Variants in CPS1 observed in about 807,000 individuals in gnomAD.
The protein encoded by CPS1 is carbamoyl-phosphate synthase 1.
In CPS1, 109 loss-of-function variants were observed where a neutral mutation model predicts 174.6. That is an observed-to-expected ratio of 0.62 (90% CI 0.53 to 0.73). The LOEUF (loss-of-function observed/expected upper bound fraction) is 0.73, where lower values mean the gene tolerates loss of function less well. Among genes scored for constraint, CPS1 ranks in the 30% least tolerant of loss-of-function variants. The pLI is 0.00. For synonymous variants in CPS1, 637 were observed against 632.0 expected, an observed-to-expected ratio of 1.01 and a Z score of -0.12; for missense variants, 1,689 against 1,821.9, an observed-to-expected ratio of 0.93 and a Z score of 1.33.
chr2:210,482,478 A>G (rs778566261), intron 1 of CPS1, among the ~76,000 whole-genome samples: 2 of 151,482 alleles, frequency 1.3e-5, no homozygotes, highest in African/African-American at 4.9e-5. Context: ...AATTTTTTGT[A>G]TTTTTAGTAG....
intron 33 of CPS1, among the ~76,000 whole-genome samples, chr2:210,666,917 C>G (rs1296498433): frequency 6.6e-6 from 1 of 152,136 alleles, no homozygotes; most frequent in Admixed American, 6.6e-5. Context: ...TTACCTTGGG[C>G]AGTATGGCCA....
At chr2:210,545,867 G>A (rs562909809) in intron 1 of CPS1, among the ~76,000 whole-genome samples, 21 of 152,088 alleles carry the variant, frequency 1.4e-4, no homozygotes, top group African/African-American at 3.6e-4. Context: ...TAGGGTGTGG[G>A]TCAACTTCTA....
intron 29 of CPS1, among the ~76,000 whole-genome samples, chr2:210,655,611 C>T (rs1700679115): frequency 6.6e-6 from 1 of 152,106 alleles, no homozygotes; most frequent in Non-Finnish European, 1.5e-5. Flanking sequence ...AAAATGAGCT[C>T]TTACTTATAT....
intron 13 of CPS1, among the ~76,000 whole-genome samples, chr2:210,598,612 A>C (rs541220989): frequency 6.8e-4 from 104 of 152,068 alleles, no homozygotes; most frequent in African/African-American, 2.5e-3. Flanking sequence ...AAAAACAGAC[A>C]AAGAAGGGCA....
At chr2:210,662,487 G>C (rs367759292) in intron 32 of CPS1, among the ~76,000 whole-genome samples, 1 of 152,170 alleles carries the variant, frequency 6.6e-6, no homozygotes, top group African/African-American at 2.4e-5. Context: ...TACCAGATAA[G>C]TGGACACATA....
At chr2:210,617,844 G>A (rs955761631) in intron 21 of CPS1, 2 of 151,954 alleles carry the variant, frequency 1.3e-5, no homozygotes, top group African/African-American at 4.8e-5. Flanking sequence ...GAACTTCTGT[G>A]TAAAATTATA....
chr2:210,577,764 A>G (rs948584992), intron 4 of CPS1, among the ~76,000 whole-genome samples: 2 of 152,098 alleles, frequency 1.3e-5, no homozygotes, highest in African/African-American at 4.8e-5. Context: ...TTGGGAAGGG[A>G]GGGGTAAGAT....
At chr2:210,552,027 T>C (rs1696745742), upstream of CPS1, among the ~76,000 whole-genome samples, 1 of 151,972 alleles carries the variant, frequency 6.6e-6, no homozygotes, top group Non-Finnish European at 1.5e-5. Context: ...AGAGATGCCT[T>C]CTTCATCCAT....
upstream of CPS1, among the ~76,000 whole-genome samples, chr2:210,554,012 T>G (rs1696797225): frequency 6.6e-6 from 1 of 150,726 alleles, no homozygotes. Context: ...TTTCCAAAAT[T>G]TCTGCCTTCT....
At chr2:210,543,501 T>A (rs1003989932) in intron 1 of CPS1, among the ~76,000 whole-genome samples, 1 of 152,072 alleles carries the variant, frequency 6.6e-6, no homozygotes, top group African/African-American at 2.4e-5. Flanking sequence ...CATGACCCAT[T>A]TAATTAATAT....
At position 210,582,723 on chromosome 2, in the gene CPS1, C is replaced by A. The variant is rs751983541; in HGVS notation, c.621+14C>A. ...GTTTCAACCAAGGTGAGGGGTTTTC[C>A]TTTATATTTTGTAGTTTTATTTGAT... On this transcript the variant is annotated intron_variant, in intron 6 of 37. Coordinates refer to ENST00000233072, the MANE Select transcript of CPS1 (RefSeq NM_001875.5). The A allele has an allele frequency of 6.3e-7, 1 of 1,590,022 alleles. No homozygotes were observed. Among genetic ancestry groups the A allele is most frequent in the Non-Finnish European group, 8.6e-7 (1 of 1,158,432 alleles).
chr2:210,516,382 A>G (rs1366477407), intron 1 of CPS1, among the ~76,000 whole-genome samples: 1 of 151,436 alleles, frequency 6.6e-6, no homozygotes, highest in Non-Finnish European at 1.5e-5. Flanking sequence ...CAATGCCTAC[A>G]CCTTCTATTT....
chr2:210,518,506 A>G (rs1057479738), intron 1 of CPS1, among the ~76,000 whole-genome samples: 19 of 152,004 alleles, frequency 1.2e-4, no homozygotes, highest in Non-Finnish European at 2.5e-4. Flanking sequence ...CTCCAAAGGG[A>G]ATGGCTTGCT....
At chr2:210,618,104 C>G (rs1362441216) in intron 21 of CPS1, 2 of 151,816 alleles carry the variant, frequency 1.3e-5, no homozygotes, top group Admixed American at 1.3e-4. Flanking sequence ...GAGATTCTAA[C>G]TAAGCATAAA....
chr2:210,521,254 AG>A (rs905782642), intron 1 of CPS1, among the ~76,000 whole-genome samples: 39 of 152,094 alleles, frequency 2.6e-4, no homozygotes, highest in Non-Finnish European at 5.6e-4. Flanking sequence ...TTTTTCTAGT[AG>A]TTTAAATATG....
At chr2:210,559,596 T>G (rs1559076319) in intron 1 of CPS1, among the ~76,000 whole-genome samples, 1 of 152,110 alleles carries the variant, frequency 6.6e-6, no homozygotes, top group Non-Finnish European at 1.5e-5. Context: ...TACTAAAAAG[T>G]TTTAGATACC....
At chr2:210,601,654 T>C (rs75191330) in intron 15 of CPS1, among the ~76,000 whole-genome samples, 2,111 of 151,946 alleles carry the variant, frequency 0.014, 43 homozygotes, top group African/African-American at 0.049. Flanking sequence ...TAATATTCCA[T>C]GACAGAAAAA....
chr2:210,602,142 T>A (rs1216981086), intron 15 of CPS1, 60 bp from the exon 16 acceptor site: 1 of 1,602,526 alleles, frequency 6.2e-7, no homozygotes, highest in African/African-American at 1.3e-5. Context: ...TCTCTTGGTG[T>A]GGTCTGTTCT....
chr2:210,667,257 A>G (rs1701133121), intron 33 of CPS1, among the ~76,000 whole-genome samples: 1 of 152,138 alleles, frequency 6.6e-6, no homozygotes, highest in African/African-American at 2.4e-5. Context: ...TAGATATACA[A>G]TCATGTCGTC....
Sources: gnomAD v4.1 joint callset for allele counts (sites outside exome capture counted in the v4.1 genomes callset) on GRCh38, gnomAD v4.1.1 for gene constraint, MANE v1.5 for transcripts, NCBI Gene and HGNC (gene_info 2026-07-23, HGNC 2026-07-21) for gene names.